GAS7: variants seen among roughly 807,000 people sequenced by gnomAD.
The protein encoded by GAS7 is growth arrest-specific protein 7.
A neutral mutation model predicts 71.1 loss-of-function variants in GAS7; 28 were observed. The observed-to-expected ratio is 0.39, with a 90% CI of 0.29 to 0.54. The LOEUF (loss-of-function observed/expected upper bound fraction) is 0.54, where lower values mean the gene tolerates loss of function less well. Ranked by LOEUF, GAS7 falls within the 20% of genes least tolerant of loss-of-function variation. GAS7 has a pLI of 0.62. For missense variants in GAS7, 436 were observed against 627.8 expected (o/e 0.69, Z 3.27); for synonymous variants, 258 against 245.8 (o/e 1.05, Z -0.46).
chr17:9,975,242 C>T (rs749571797), intron 3 of GAS7, among the ~76,000 whole-genome samples: 6 of 152,212 alleles, frequency 3.9e-5, no homozygotes, highest in Non-Finnish European at 7.3e-5. Flanking sequence ...GTAATCCCAG[C>T]TGCTTGGGAG....
At chr17:10,175,650 C>G (rs2074369285) in intron 1 of GAS7, among the ~76,000 whole-genome samples, 1 of 152,122 alleles carries the variant, frequency 6.6e-6, no homozygotes, top group Non-Finnish European at 1.5e-5. Context: ...ACAGTGTGGT[C>G]AAAAATTCTT....
chr17:10,179,082 C>A (rs1180371098), intron 1 of GAS7, among the ~76,000 whole-genome samples: 2 of 152,022 alleles, frequency 1.3e-5, no homozygotes, highest in Non-Finnish European at 2.9e-5. Flanking sequence ...GTAATCCCAG[C>A]AGTTTGCAAG....
At chr17:10,161,090 G>C (rs1364502472) in intron 1 of GAS7, among the ~76,000 whole-genome samples, 2 of 152,070 alleles carry the variant, frequency 1.3e-5, no homozygotes, top group Non-Finnish European at 2.9e-5. Flanking sequence ...GCTCCGTTTT[G>C]TTTGTTTGTT....
chr17:10,092,557 GTGAGCGTTCAACAGGT>G (rs1195592629), intron 1 of GAS7, among the ~76,000 whole-genome samples: 1 of 152,198 alleles, frequency 6.6e-6, no homozygotes, highest in African/African-American at 2.4e-5. Flanking sequence ...ATCTTGGCAG[GTGAGCGTTCAACAGGT>G]TGACTTTGAC....
intron 1 of GAS7, among the ~76,000 whole-genome samples, chr17:10,151,995 C>G (rs1361631704): frequency 6.6e-6 from 1 of 152,198 alleles, no homozygotes; most frequent in Admixed American, 6.5e-5. Flanking sequence ...GAAATCCAAT[C>G]CACAAGTTTA....
chr17:10,166,295 T>A (rs1475541873), intron 1 of GAS7, among the ~76,000 whole-genome samples: 1 of 152,222 alleles, frequency 6.6e-6, no homozygotes, highest in Non-Finnish European at 1.5e-5. Flanking sequence ...AGTGGTGAGA[T>A]TGCAGGCGTG....
intron 2 of GAS7, among the ~76,000 whole-genome samples, chr17:9,988,348 G>A (rs568214158): frequency 6.6e-6 from 1 of 152,172 alleles, no homozygotes; most frequent in African/African-American, 2.4e-5. Flanking sequence ...CCCAGGCTAT[G>A]CTGCCCTGTC....
At chr17:10,161,029 GTGTC>G (rs1476083286) in intron 1 of GAS7, among the ~76,000 whole-genome samples, 2 of 152,018 alleles carry the variant, frequency 1.3e-5, no homozygotes, top group Non-Finnish European at 2.9e-5. Context: ...AAGTTCAAGA[GTGTC>G]TGGCCTTCAG....
intron 3 of GAS7, among the ~76,000 whole-genome samples, chr17:9,972,969 G>A (rs1427750873): frequency 6.6e-6 from 1 of 152,088 alleles, no homozygotes. Context: ...AAACCCAAAG[G>A]AACAAAAATA....
chr17:10,114,994 T>C (rs2073846800), intron 1 of GAS7, among the ~76,000 whole-genome samples: 1 of 152,182 alleles, frequency 6.6e-6, no homozygotes, highest in Admixed American at 6.5e-5. Flanking sequence ...ACCAACAGGC[T>C]GGGGGTCATG....
intron 4 of GAS7, among the ~76,000 whole-genome samples, chr17:9,964,388 T>A (rs1425340245): frequency 5.9e-5 from 9 of 152,158 alleles, no homozygotes; most frequent in African/African-American, 2.2e-4. Flanking sequence ...GGCTTCCCAG[T>A]GCAGTTAGGA....
chr17:9,980,994 T>C (rs1289019338), intron 3 of GAS7, among the ~76,000 whole-genome samples: 1 of 152,142 alleles, frequency 6.6e-6, no homozygotes, highest in African/African-American at 2.4e-5. Context: ...CCACCTATTA[T>C]AGGAATGTCC....
intron 1 of GAS7, among the ~76,000 whole-genome samples, chr17:10,058,343 C>T (rs2073176675): frequency 6.6e-6 from 1 of 152,004 alleles, no homozygotes; most frequent in African/African-American, 2.4e-5. Context: ...GTCCAAGCTA[C>T]TCAGGAGGCT....
intron 1 of GAS7, among the ~76,000 whole-genome samples, chr17:10,185,001 A>G (rs1385476108): frequency 1.3e-5 from 2 of 148,224 alleles, no homozygotes; most frequent in Non-Finnish European, 3.0e-5. Flanking sequence ...ATCTAGGCTC[A>G]CTGCAACCTC....
At chr17:9,967,370 C>T (rs370051941) in intron 4 of GAS7, among the ~76,000 whole-genome samples, 95 of 152,200 alleles carry the variant, frequency 6.2e-4, no homozygotes, top group African/African-American at 2.1e-3. Flanking sequence ...CCATGCCTTG[C>T]GAGATACTCA....
intron 1 of GAS7, among the ~76,000 whole-genome samples, chr17:10,038,916 A>T (rs1400916324): frequency 6.6e-6 from 1 of 152,120 alleles, no homozygotes; most frequent in Non-Finnish European, 1.5e-5. Flanking sequence ...CCTTAAGGAC[A>T]TTATGCTCAG....
chr17:10,031,400 T>C (rs554785259), intron 1 of GAS7, among the ~76,000 whole-genome samples: 6 of 152,278 alleles, frequency 3.9e-5, no homozygotes, highest in African/African-American at 1.4e-4. Flanking sequence ...CAGGGAAACT[T>C]GCCAAGCTGG....
intron 1 of GAS7, among the ~76,000 whole-genome samples, chr17:10,142,535 A>C (rs2074090943): frequency 6.6e-6 from 1 of 151,934 alleles, no homozygotes; most frequent in South Asian, 2.1e-4. Flanking sequence ...CTACCAGCTA[A>C]TTTTCGTATT....
chr17:10,074,807 A>G (rs1567581194), intron 1 of GAS7, among the ~76,000 whole-genome samples: 1 of 151,910 alleles, frequency 6.6e-6, no homozygotes, highest in Admixed American at 6.6e-5. Flanking sequence ...AAGAAAAACA[A>G]TTGGGAGAAG....
Sources: gnomAD v4.1 joint callset for allele counts (sites outside exome capture counted in the v4.1 genomes callset) on GRCh38, gnomAD v4.1.1 for gene constraint, MANE v1.5 for transcripts, NCBI Gene and HGNC (gene_info 2026-07-23, HGNC 2026-07-21) for gene names.